Variants in AGO2 observed in about 807,000 individuals in gnomAD.
The protein encoded by AGO2 is argonaute RISC catalytic component 2, also known as protein argonaute-2.
A neutral mutation model predicts 102.3 loss-of-function variants in AGO2; 5 were observed. The observed-to-expected ratio is 0.05, with a 90% CI of 0.03 to 0.10. The LOEUF (loss-of-function observed/expected upper bound fraction) is 0.10, where lower values mean the gene tolerates loss of function less well. AGO2 is among the 10% of genes least tolerant of loss of function. AGO2 has a pLI of 1.00. For missense variants in AGO2, 541 were observed against 1,183.7 expected (o/e 0.46, Z 7.97); for synonymous variants, 449 against 473.1 (o/e 0.95, Z 0.66).
intron 1 of AGO2, among the ~76,000 whole-genome samples, chr8:140,604,045 G>A (rs954676241): frequency 1.3e-4 from 20 of 152,254 alleles, no homozygotes; most frequent in African/African-American, 3.6e-4. Flanking sequence ...CAAGGTGGCC[G>A]AGAGGCTAAG....
chr8:140,605,263 T>G (rs1449870282), intron 1 of AGO2, among the ~76,000 whole-genome samples: 1 of 152,060 alleles, frequency 6.6e-6, no homozygotes, highest in Non-Finnish European at 1.5e-5. Flanking sequence ...CCCGGCTAAT[T>G]TTTTTGTATT....
intron 4 of AGO2, among the ~76,000 whole-genome samples, chr8:140,561,272 C>G (rs560192564): frequency 2.6e-5 from 4 of 152,222 alleles, no homozygotes. Context: ...CTGTGAGCCT[C>G]GATGCTCCCT....
intron 1 of AGO2, among the ~76,000 whole-genome samples, chr8:140,597,137 C>CGT (rs944363262): frequency 2.0e-5 from 3 of 152,356 alleles, no homozygotes; most frequent in Admixed American, 2.0e-4. Flanking sequence ...AGAGCTGTTT[C>CGT]GTTCATTTAT....
intron 4 of AGO2, among the ~76,000 whole-genome samples, chr8:140,562,229 G>A (rs2073213897): frequency 6.6e-6 from 1 of 152,240 alleles, no homozygotes; most frequent in East Asian, 1.9e-4. Context: ...CAAATAGGGA[G>A]GCCAACGTTC....
chr8:140,533,451 A>C (rs1006613629), intron 17 of AGO2, among the ~76,000 whole-genome samples: 1 of 151,760 alleles, frequency 6.6e-6, no homozygotes, highest in African/African-American at 2.4e-5. Context: ...GGACAGTGCC[A>C]TTTGTGTATC....
In AGO2 at chr8:140,543,176, C is replaced by CA. The variant is rs138808574; in HGVS notation, c.1839+1036dup. On this transcript the variant is annotated intron_variant, in intron 14 of 18. Coordinates refer to ENST00000220592, the MANE Select transcript of AGO2 (RefSeq NM_012154.5). ...AAACAAAAAACAAAAATAGAAACAACAAAAAAAAACCCACAAAACAACAAC... is the reference window on the plus strand; with the variant it reads ...AAACAAAAAACAAAAATAGAAACAACAAAAAAAAAACCCACAAAACAACAAC... Among the ~76,000 whole-genome samples the CA allele has an allele frequency of 8.3e-3, 1,225 of 147,406 alleles. 91 individuals are homozygous for CA. In the East Asian group the frequency reaches 0.18, roughly 21 times the overall value.
chr8:140,629,813 G>A (rs2152110998), intron 1 of AGO2, among the ~76,000 whole-genome samples: 1 of 150,902 alleles, frequency 6.6e-6, no homozygotes, highest in African/African-American at 2.4e-5. Context: ...CTCCAGCCTG[G>A]GCCATGAGAG....
intron 1 of AGO2, among the ~76,000 whole-genome samples, chr8:140,612,082 G>C (rs1035182166): frequency 1.3e-5 from 2 of 152,022 alleles, no homozygotes; most frequent in African/African-American, 4.8e-5. Flanking sequence ...AATTAGCCGG[G>C]AGCAGTGGCG....
rs1018319067 is a variant in AGO2, at chr8:140,527,764, G to A, written c.*4280C>T. On this transcript the variant is annotated 3_prime_UTR_variant, in exon 19 of 19. Coordinates refer to ENST00000220592, the MANE Select transcript of AGO2 (RefSeq NM_012154.5). This position sits in a 1 kb window ranked among gnomAD's most constrained non-coding sequence, Gnocchi z 6.0. ...AGCGTGAGAGATGGGTCAGAGAGAG[G>A]TCACAGGAAAATGTCGTATGGCTTG... 6.6e-6 allele frequency: 1 copy of A among 152,266 alleles called. No individual in the cohort carries two copies. The highest frequency in any genetic ancestry group is 1.5e-5 in the Non-Finnish European group (1 of 68,060). 9.4% of individuals were successfully genotyped at this position (152,266 alleles called of 1,614,324 possible). A position where few individuals can be genotyped will look rare whatever the true frequency, so the allele number is the denominator to read the frequency against.
chr8:140,636,190 C>T (rs1236265028), upstream of AGO2: 4 of 152,088 alleles, frequency 2.6e-5, no homozygotes, highest in African/African-American at 9.7e-5. Flanking sequence ...AACTTGAACG[C>T]GGCCGGCCGC....
chr8:140,593,091 C>T (rs1041187610), intron 1 of AGO2: 7 of 152,242 alleles, frequency 4.6e-5, no homozygotes, highest in African/African-American at 1.7e-4. Context: ...TCTTGTTCTC[C>T]AAACTGAATC....
intron 10 of AGO2, among the ~76,000 whole-genome samples, chr8:140,553,777 C>G (rs1348229285): frequency 2.0e-5 from 3 of 152,152 alleles, no homozygotes; most frequent in Admixed American, 2.0e-4. Context: ...CGGCTCACTG[C>G]AACCTCTGCC....
At chr8:140,535,390 G>A in intron 17 of AGO2, 78 bp downstream of exon 17, 1 of 1,451,282 alleles carries the variant, frequency 6.9e-7, no homozygotes, top group Non-Finnish European at 9.7e-7. Context: ...GTGCCAGCCA[G>A]AGTGCAAGTG....
intron 2 of AGO2, among the ~76,000 whole-genome samples, chr8:140,579,844 A>G (rs957625569): frequency 1.3e-5 from 2 of 152,240 alleles, no homozygotes; most frequent in African/African-American, 4.8e-5. Flanking sequence ...GCTCATGCCC[A>G]GAGTCACAGA....
At chr8:140,571,694 G>C (rs932887221) in intron 3 of AGO2, among the ~76,000 whole-genome samples, 4 of 152,204 alleles carry the variant, frequency 2.6e-5, no homozygotes, top group African/African-American at 7.2e-5. Context: ...CATTCTCATA[G>C]TTGTTAAACT....
intron 1 of AGO2, among the ~76,000 whole-genome samples, chr8:140,602,195 G>C (rs2073942974): frequency 6.6e-6 from 1 of 152,158 alleles, no homozygotes; most frequent in African/African-American, 2.4e-5. Flanking sequence ...TAGAATAGAT[G>C]TTAAAAATAA....
Position 140,607,458 on chromosome 8 carries a change from TTATATATATATATATATATATA to T in AGO2, c.23-22169_23-22148del, listed in dbSNP as rs1167371585. Among the ~76,000 whole-genome samples, 544 of 69,542 alleles carry T rather than the reference TTATATATATATATATATATATA, an allele frequency of 7.8e-3. 19 individuals are homozygous for T. Among genetic ancestry groups the T allele is most frequent in the Admixed American group, 0.02 (112 of 5,494 alleles). 45.6% of individuals were successfully genotyped at this position (69,542 alleles called of 152,430 possible). On this transcript the variant is annotated intron_variant, in intron 1 of 18. Coordinates refer to ENST00000220592, the MANE Select transcript of AGO2 (RefSeq NM_012154.5). ...CTCACCCCCACCTCTTAAAGAAAAA[TTATATATATATATATATATATA>T]TATATATATATATATATATATATAT...
intron 2 of AGO2, among the ~76,000 whole-genome samples, chr8:140,576,551 T>C (rs2073466767): frequency 6.6e-6 from 1 of 152,104 alleles, no homozygotes; most frequent in South Asian, 2.1e-4. Flanking sequence ...CACTCGGCTT[T>C]AGGGAAATGG....
At chr8:140,629,435 C>T (rs1039478665) in intron 1 of AGO2, among the ~76,000 whole-genome samples, 1 of 152,242 alleles carries the variant, frequency 6.6e-6, no homozygotes, top group Middle Eastern at 3.4e-3. Flanking sequence ...GTCATCCAGG[C>T]CAAAGTCCCC....
Sources: gnomAD v4.1 joint callset for allele counts (sites outside exome capture counted in the v4.1 genomes callset) on GRCh38, gnomAD v4.1.1 for gene constraint, Gnocchi (gnomAD v3.1) non-coding constraint, MANE v1.5 for transcripts, NCBI Gene and HGNC (gene_info 2026-07-23, HGNC 2026-07-21) for gene names.